SEPTIN12: variants seen among roughly 807,000 people sequenced by gnomAD.
SEPTIN12 encodes septin 12.
A neutral mutation model predicts 37.7 loss-of-function variants in SEPTIN12; 42 were observed. The observed-to-expected ratio is 1.11, with a 90% CI of 0.87 to 1.44. The LOEUF (loss-of-function observed/expected upper bound fraction) is 1.44. SEPTIN12 is among the 40% of genes most tolerant of loss of function. The pLI is 0.00. For missense variants in SEPTIN12, 613 were observed against 479.2 expected, an observed-to-expected ratio of 1.28 and a Z score of -2.61; for synonymous variants, 254 against 196.7, an observed-to-expected ratio of 1.29 and a Z score of -2.44.
chr16:4,791,595 G>T (rs936883559), upstream of SEPTIN12, among the ~76,000 whole-genome samples: 7 of 152,210 alleles, frequency 4.6e-5, no homozygotes, highest in East Asian at 1.4e-3. Context: ...ATCGAACCTG[G>T]GTCCAGAAGT....
intron 4 of SEPTIN12, 50 bp from the exon 5 acceptor site, chr16:4,784,118 G>A (rs2082406961): frequency 1.2e-6 from 2 of 1,606,440 alleles, no homozygotes; most frequent in African/African-American, 2.7e-5. Flanking sequence ...TGCCCAGAGA[G>A]CCCCACCCCT....
intron 7 of SEPTIN12, among the ~76,000 whole-genome samples, chr16:4,781,703 G>C (rs1294124796): frequency 1.3e-5 from 2 of 148,620 alleles, no homozygotes; most frequent in Middle Eastern, 6.8e-3. Context: ...GGGGTGCAAC[G>C]GTGTGATCTC....
intron 8 of SEPTIN12, 101 bp downstream of exon 8, chr16:4,779,589 T>C (rs774656065): frequency 1.3e-5 from 10 of 787,394 alleles, no homozygotes; most frequent in Non-Finnish European, 2.0e-5. Context: ...TCTAGTGGGC[T>C]TCACCTTTCT....
rs1311638922 is a variant in SEPTIN12, at chr16:4,777,621, C to T, written c.*176G>A. 2 of 587,988 alleles carry T rather than the reference C, an allele frequency of 3.4e-6. No individual in the cohort carries two copies. Among genetic ancestry groups the T allele is most frequent in the East Asian group, 2.9e-5 (1 of 34,676 alleles). The allele number at this position is 587,988 out of a possible 1,614,324, so 36.4% of individuals were successfully genotyped here. On this transcript the variant is annotated 3_prime_UTR_variant, in exon 10 of 10. Coordinates refer to ENST00000268231, the MANE Select transcript of SEPTIN12 (RefSeq NM_144605.5). ...CCAGCCTGGGTAACAGAGTGACACC[C>T]AGCCTTTTTATTTGTGGATAGCTCA...
In SEPTIN12 at chr16:4,786,080, C is replaced by G. The variant is rs151331956; in HGVS notation, c.192G>C (p.Thr64=). 6 of 1,612,582 alleles carry G rather than the reference C, an allele frequency of 3.7e-6. No homozygotes were observed. The East Asian group carries it at 1.3e-4, about 36-fold the overall frequency. Residue 64 remains threonine (T), a synonymous_variant, in exon 3 of 10, where the codon ACG becomes ACC. Transcript: ENST00000268231. The stretch of plus-strand genomic sequence containing the variant: ...TGGACTTGAACAGCGTGTTCACCAT[C>G]GTGGACTTGCCCAGCCCGCTTTGCC... The part of the protein sequence containing the change: ...VVGQSGLGKS[T]MVNTLFKSKV...
chr16:4,790,373 C>A (rs1172589331), upstream of SEPTIN12, among the ~76,000 whole-genome samples: 2 of 152,288 alleles, frequency 1.3e-5, no homozygotes, highest in Admixed American at 1.3e-4. Context: ...AGAAAGGTGG[C>A]CGTGGTTCCA....
intron 7 of SEPTIN12, among the ~76,000 whole-genome samples, chr16:4,781,064 C>G (rs987833437): frequency 2.6e-5 from 4 of 151,784 alleles, no homozygotes; most frequent in Non-Finnish European, 5.9e-5. Context: ...ATCGAGATCA[C>G]CCTGGCTGAA....
rs748798023 is a variant in SEPTIN12, at chr16:4,778,056, C to A, written c.875+30G>T. ...GGTGTCCCCAGGGCCCCTCGCCAGC[C>A]CCCTAGCCCCAGGCTCCCCACACCC... On this transcript the variant is annotated intron_variant, in intron 9 of 9. Coordinates refer to ENST00000268231, the MANE Select transcript of SEPTIN12 (RefSeq NM_144605.5). 8 of 1,613,640 alleles carry A rather than the reference C, an allele frequency of 5.0e-6. 1 individual carries two copies. In the South Asian group the frequency reaches 8.8e-5, roughly 18 times the overall value.
At chr16:4,781,917 T>TACA (rs2082375693) in intron 7 of SEPTIN12, among the ~76,000 whole-genome samples, 2 of 141,642 alleles carry the variant, frequency 1.4e-5, no homozygotes, top group Admixed American at 7.5e-5. Flanking sequence ...GTGCTGGGAT[T>TACA]ACAGGTGTGA....
In SEPTIN12 at chr16:4,784,067, A is replaced by G. The variant is rs1196461521; in HGVS notation, c.376T>C (p.Trp126Arg). 6.2e-7 allele frequency: 1 copy of G among 1,614,026 alleles called. No individual in the cohort carries two copies. Among genetic ancestry groups the G allele is most frequent in the East Asian group, 2.2e-5 (1 of 44,874 alleles). The change falls in exon 5 of 10, where the codon TGG becomes CGG. Residue 126 changes from tryptophan to arginine, a missense_variant and splice_region_variant. Trp to Arg is a moderately radical substitution (Grantham distance 101). Coordinates refer to ENST00000268231, the MANE Select transcript of SEPTIN12 (RefSeq NM_144605.5). Reference protein sequence around the residue: ...FGDQINNDNCWDPILGYINEQ... With the variant: ...FGDQINNDNCRDPILGYINEQ... ...TTGATGTAGCCCAGGATGGGGTCCC[A>G]GCTGAGGCGGGAGGTGGACCCTCCC...
intron 5 of SEPTIN12, 66 bp from the exon 6 acceptor site, chr16:4,783,832 C>G: frequency 1.3e-6 from 2 of 1,599,384 alleles, no homozygotes; most frequent in Non-Finnish European, 8.6e-7. Flanking sequence ...AGCAGCAGGG[C>G]ACGGGGGTGG....
intron 5 of SEPTIN12, 38 bp from the exon 6 acceptor site, chr16:4,783,804 G>C: frequency 4.4e-6 from 7 of 1,606,600 alleles, no homozygotes; most frequent in Non-Finnish European, 6.0e-6. Context: ...TGGCGGTGGT[G>C]GTGAGTGTAT....
chr16:4,783,993 C>G lies in SEPTIN12; in HGVS notation c.450G>C (p.Gln150His). 1 of 1,614,194 alleles carries G rather than the reference C, an allele frequency of 6.2e-7. No individual in the cohort carries two copies. Among genetic ancestry groups the G allele is most frequent in the Non-Finnish European group, 8.5e-7 (1 of 1,180,024 alleles). Residue 150 changes from glutamine to histidine, a missense_variant, in exon 5 of 10, where the codon CAG becomes CAC. Physicochemically the swap from Gln to His is conservative, Grantham distance 24 (BLOSUM62 0). Transcript: ENST00000268231. The part of the protein sequence containing the change: ...YLQEEILITR[Q>H]RHIPDTRVHC... ...GCACCCGGGTGTCTGGGATGTGGCG[C>G]TGGCGGGTGATGAGGATCTCCTCCT...
rs151315020 is a variant in SEPTIN12, at chr16:4,787,135, C to A, written c.166+345G>T. 5.5e-3 allele frequency among the ~76,000 whole-genome samples: 840 copies of A among 152,220 alleles called. 8 individuals are homozygous for A. The highest frequency in any genetic ancestry group is 0.019 in the African/African-American group (801 of 41,534). On this transcript the variant is annotated intron_variant, in intron 2 of 9. Coordinates refer to ENST00000268231, the MANE Select transcript of SEPTIN12 (RefSeq NM_144605.5). ...AAGTGACCCTCCTGCCTTGGCCTTT[C>A]AAAGTGCTGGAATTACAGGCTTGAG... is the stretch of plus-strand genomic sequence containing the variant.
chr16:4,786,258 C>T (rs182171258), intron 2 of SEPTIN12, among the ~76,000 whole-genome samples, 153 bp from the exon 3 acceptor site: 50 of 152,154 alleles, frequency 3.3e-4, no homozygotes, highest in Admixed American at 2.3e-3. Flanking sequence ...ACTGCAGCCT[C>T]GACCTTCCCA....
In SEPTIN12 at chr16:4,785,619, C is replaced by CAAA. The variant is rs979136342; in HGVS notation, c.374+185_374+187dup. On this transcript the variant is annotated intron_variant, in intron 4 of 9. Coordinates refer to ENST00000268231, the MANE Select transcript of SEPTIN12 (RefSeq NM_144605.5). ...TGAAACCCCATCTCAACTAAAAATA[C>CAAA]AAAAAAAATTAGCTGGGCGTGGTGG... 3 of 564,096 alleles carry CAAA rather than the reference C, an allele frequency of 5.3e-6. No homozygotes were observed. In the African/African-American group the frequency reaches 5.7e-5, roughly 11 times the overall value. 34.9% of individuals were successfully genotyped at this position (564,096 alleles called of 1,614,324 possible). A position where few individuals can be genotyped will look rare whatever the true frequency, so the allele number is the denominator to read the frequency against.
Position 4,783,631 on chromosome 16 carries a change from C to A in SEPTIN12, c.630+18G>T, listed in dbSNP as rs757693790. 6.2e-7 allele frequency: 1 copy of A among 1,612,554 alleles called. No homozygotes were observed. Among genetic ancestry groups the A allele is most frequent in the Non-Finnish European group, 8.5e-7 (1 of 1,178,810 alleles). Reference sequence around the variant, plus strand: ...TCTGCCCCCGCTGACCCCAGCCCTGCCCGGGCATCCAGATCACCCTGCGCC... The same window carrying A: ...TCTGCCCCCGCTGACCCCAGCCCTGACCGGGCATCCAGATCACCCTGCGCC... On this transcript the variant is annotated intron_variant, in intron 6 of 9. Transcript: ENST00000268231.
At position 4,781,943 on chromosome 16, in the gene SEPTIN12, CTTTTTTTTTTT is replaced by C. The variant is rs571415645; in HGVS notation, c.726+1508_726+1518del. 8.4e-5 allele frequency among the ~76,000 whole-genome samples: 4 copies of C among 47,446 alleles called. No individual in the cohort carries two copies. In the East Asian group the frequency reaches 2.1e-3, roughly 25 times the overall value. The allele number at this position is 47,446 out of a possible 152,430, so 31.1% of individuals were successfully genotyped here. ...ACAGGTGTGAGCCACCGTGCCCGGC[CTTTTTTTTTTT>C]TTTTTTTTTTTTTTGAGACAGGGTC... is the stretch of plus-strand genomic sequence containing the variant. On this transcript the variant is annotated intron_variant, in intron 7 of 9. Transcript: ENST00000268231.
At chr16:4,782,996 G>A (rs1297862867) in intron 7 of SEPTIN12, among the ~76,000 whole-genome samples, 2 of 150,426 alleles carry the variant, frequency 1.3e-5, no homozygotes, top group African/African-American at 2.5e-5. Flanking sequence ...TGCAACCTCT[G>A]CCTCCCAGTT....
Sources: gnomAD v4.1 joint callset for allele counts (sites outside exome capture counted in the v4.1 genomes callset) on GRCh38, gnomAD v4.1.1 for gene constraint, MANE v1.5 for transcripts, NCBI Gene and HGNC (gene_info 2026-07-23, HGNC 2026-07-21) for gene names.